The following TXN2 variants were observed in gnomAD, a reference collection of about 807,000 sequenced individuals.
TXN2 encodes the protein thioredoxin 2.
In TXN2, 12 loss-of-function variants were observed where a neutral mutation model predicts 14.6. The observed-to-expected ratio is 0.82, with a 90% CI of 0.53 to 1.33. TXN2 has a LOEUF of 1.33. Among genes scored for constraint, TXN2 ranks in the 40% most tolerant of loss-of-function variants. TXN2 has a pLI of 0.00. For synonymous variants in TXN2, 89 were observed against 81.0 expected (o/e 1.10, Z -0.53); for missense variants, 173 against 207.7 (o/e 0.83, Z 1.03).
At chr22:36,472,256 A>C (rs920381115) in intron 3 of TXN2, among the ~76,000 whole-genome samples, 1 of 152,198 alleles carries the variant, frequency 6.6e-6, no homozygotes, top group Non-Finnish European at 1.5e-5. Context: ...CAGTGAAAAG[A>C]TCAAGAGTCG....
chr22:36,476,516 C>T (rs1162391553), intron 3 of TXN2, among the ~76,000 whole-genome samples: 3 of 151,842 alleles, frequency 2.0e-5, no homozygotes, highest in Non-Finnish European at 2.9e-5. Flanking sequence ...CGCGTGAACC[C>T]GGGAGGCAGA....
chr22:36,476,951 T>C (rs1933399496), intron 2 of TXN2, 95 bp from the exon 3 acceptor site: 1 of 1,569,138 alleles, frequency 6.4e-7, no homozygotes, highest in South Asian at 1.2e-5. Context: ...AGGAATCTTT[T>C]GCCCTTATTA....
In TXN2 at chr22:36,470,576, T is replaced by A. The variant is rs960664111; in HGVS notation, c.388-2659A>T. Among the ~76,000 whole-genome samples, 3 of 152,234 alleles carry A rather than the reference T, an allele frequency of 2.0e-5. No individual in the cohort carries two copies. In the South Asian group the frequency reaches 6.2e-4, roughly 32 times the overall value. On this transcript the variant is annotated intron_variant, in intron 3 of 3. Coordinates refer to ENST00000216185, the MANE Select transcript of TXN2 (RefSeq NM_012473.4). ...GCCACTGTATAAGAAGTGGCCTAACTTTTTTCACGGCAAGACTCTAAGTTC... is the reference window on the plus strand; with the variant it reads ...GCCACTGTATAAGAAGTGGCCTAACATTTTTCACGGCAAGACTCTAAGTTC...
In TXN2 at chr22:36,467,439, GGC is replaced by G; in HGVS notation, c.*363_*364del. 9.4e-6 allele frequency: 2 copies of G among 212,632 alleles called. No homozygotes were observed. Among genetic ancestry groups the G allele is most frequent in the South Asian group, 1.1e-4 (1 of 9,272 alleles). The allele number at this position is 212,632 out of a possible 1,614,324, so 13.2% of individuals were successfully genotyped here. A position where few individuals can be genotyped will look rare whatever the true frequency, so the allele number is the denominator to read the frequency against. The stretch of plus-strand genomic sequence containing the variant: ...AGAAATGTAGGTGGCAGACGAGCCA[GGC>G]ACGAGGTTTCAGATTGGAAGGGACC... On this transcript the variant is annotated 3_prime_UTR_variant, in exon 4 of 4. Transcript: ENST00000216185.
intron 2 of TXN2, 29 bp downstream of exon 2, chr22:36,480,546 C>G: frequency 6.2e-7 from 1 of 1,604,326 alleles, no homozygotes; most frequent in Non-Finnish European, 8.5e-7. Context: ...AAGTAGGACC[C>G]TAGTCTTCTG....
intron 2 of TXN2, among the ~76,000 whole-genome samples, chr22:36,480,067 G>C (rs1437230353): frequency 1.3e-5 from 2 of 152,028 alleles, no homozygotes; most frequent in Non-Finnish European, 2.9e-5. Context: ...ATTTTTAATA[G>C]AGACAGGGTA....
chr22:36,467,866 T>A lies in TXN2; in HGVS notation c.439A>T (p.Lys147Ter). Residue 147 changes from lysine (K) to a stop codon, truncating the protein, a stop_gained, in exon 4 of 4, where the codon AAG becomes TAG. Coordinates refer to ENST00000216185, the MANE Select transcript of TXN2 (RefSeq NM_012473.4). LOFTEE classifies it high-confidence loss of function. ...LAMKNGDVVD[K>*]FVGIKDEDQL... Reference sequence around the variant, plus strand: ...TCCTCATCCTTGATGCCCACAAACTTGTCCACCACGTCCCCATTCTTCATG... The same window carrying A: ...TCCTCATCCTTGATGCCCACAAACTAGTCCACCACGTCCCCATTCTTCATG... 1 of 1,614,210 alleles carries A rather than the reference T, an allele frequency of 6.2e-7. No individual in the cohort carries two copies. The highest frequency in any genetic ancestry group is 8.5e-7 in the Non-Finnish European group (1 of 1,180,042).
At chr22:36,479,507 T>G (rs1933455437) in intron 2 of TXN2, among the ~76,000 whole-genome samples, 1 of 151,964 alleles carries the variant, frequency 6.6e-6, no homozygotes, top group African/African-American at 2.4e-5. Flanking sequence ...AATTTTTGTA[T>G]TTTTGGTAGA....
Position 36,471,968 on chromosome 22 carries a change from T to TAAAA in TXN2, c.388-4055_388-4052dup, listed in dbSNP as rs59924757. On this transcript the variant is annotated intron_variant, in intron 3 of 3. Transcript: ENST00000216185. ...TGGGTGAAAAGAGTGAGACCCCCTC[T>TAAAA]AAAAAAAAAAAAAAAAAAAAGCTGG... is the stretch of plus-strand genomic sequence containing the variant. 3.1e-4 allele frequency among the ~76,000 whole-genome samples: 31 copies of TAAAA among 100,224 alleles called. 1 individual carries two copies. The highest frequency in any genetic ancestry group is 1.0e-3 in the African/African-American group (29 of 28,354). The allele number at this position is 100,224 out of a possible 152,430, so 65.8% of individuals were successfully genotyped here.
rs1037060323 is a variant in TXN2 at position 36,467,701 on chromosome 22, C to G, written c.*103G>C. 2 of 1,029,446 alleles carry G rather than the reference C, an allele frequency of 1.9e-6. No homozygotes were observed. Among genetic ancestry groups the G allele is most frequent in the African/African-American group, 3.1e-5 (2 of 63,974 alleles). The allele number at this position is 1,029,446 out of a possible 1,614,324, so 63.8% of individuals were successfully genotyped here. ...GAGCCTGGGCTCTAAGCATGGGCCC[C>G]AGGAGCCAGACAGGAGGGAGGCAGC... On this transcript the variant is annotated 3_prime_UTR_variant, in exon 4 of 4. Transcript: ENST00000216185.
At position 36,467,550 on chromosome 22, in the gene TXN2, C is replaced by T; in HGVS notation, c.*254G>A. 8.5e-6 allele frequency: 4 copies of T among 469,162 alleles called. No homozygotes were observed. Among genetic ancestry groups the T allele is most frequent in the South Asian group, 2.2e-5 (1 of 46,478 alleles). 29.1% of individuals were successfully genotyped at this position (469,162 alleles called of 1,614,324 possible). ...TCGCCACACATCCTGGGAGAACTGCCATAGGCCCTAGAAGGAGGGATGAAA... is the reference window on the plus strand; with the variant it reads ...TCGCCACACATCCTGGGAGAACTGCTATAGGCCCTAGAAGGAGGGATGAAA... On this transcript the variant is annotated 3_prime_UTR_variant, in exon 4 of 4. Transcript: ENST00000216185.
chr22:36,469,103 G>C (rs1273769954), intron 3 of TXN2, among the ~76,000 whole-genome samples: 1 of 152,190 alleles, frequency 6.6e-6, no homozygotes, highest in Non-Finnish European at 1.5e-5. Context: ...GGTTCTGGCG[G>C]ACGCAATCCG....
intron 3 of TXN2, among the ~76,000 whole-genome samples, chr22:36,474,291 T>C (rs1346280315): frequency 1.3e-5 from 2 of 152,204 alleles, no homozygotes; most frequent in African/African-American, 2.4e-5. Flanking sequence ...CGTGTTTGTC[T>C]GCCTGGTCTC....
chr22:36,475,552 ATTTG>A (rs1397934551), intron 3 of TXN2, among the ~76,000 whole-genome samples: 2 of 152,130 alleles, frequency 1.3e-5, no homozygotes, highest in Non-Finnish European at 2.9e-5. Context: ...AGCCATGCCC[ATTTG>A]TTTGTATAGT....
intron 3 of TXN2, 111 bp from the exon 4 acceptor site, chr22:36,468,028 C>T (rs1331063596): frequency 1.1e-6 from 1 of 895,918 alleles, no homozygotes. Context: ...CACTGACTTC[C>T]CAAAGCCATG....
rs1027706085 is a variant in TXN2, at chr22:36,467,693, A to G, written c.*111T>C. On this transcript the variant is annotated 3_prime_UTR_variant, in exon 4 of 4. Coordinates refer to ENST00000216185, the MANE Select transcript of TXN2 (RefSeq NM_012473.4). ...CAGGGCTGGAGCCTGGGCTCTAAGCATGGGCCCCAGGAGCCAGACAGGAGG... is the reference window on the plus strand; with the variant it reads ...CAGGGCTGGAGCCTGGGCTCTAAGCGTGGGCCCCAGGAGCCAGACAGGAGG... 3.2e-6 allele frequency: 3 copies of G among 935,684 alleles called. No individual in the cohort carries two copies. The highest frequency in any genetic ancestry group is 3.8e-5 in the Admixed American group (2 of 52,342). The allele number at this position is 935,684 out of a possible 1,614,324, so 58.0% of individuals were successfully genotyped here. A position where few individuals can be genotyped will look rare whatever the true frequency, so the allele number is the denominator to read the frequency against.
chr22:36,474,535 C>T (rs5995292), intron 3 of TXN2, among the ~76,000 whole-genome samples: 18,406 of 152,070 alleles, frequency 0.12, 1,329 homozygotes, highest in African/African-American at 0.19. Flanking sequence ...TCACTTGTTA[C>T]CTGGAGGAGG....
intron 1 of TXN2, chr22:36,481,169 AGCAACTTCCAGGAAGTT>A (rs1333050904): frequency 5.2e-6 from 1 of 192,984 alleles, no homozygotes; most frequent in African/African-American, 2.3e-5. Flanking sequence ...GTCTTCCTAC[AGCAACTTCCAGGAAGTT>A]GCTATTGTAC....
rs1237134539 is a variant in TXN2 at position 36,467,746 on chromosome 22, G to A, written c.*58C>T. 1.1e-5 allele frequency: 16 copies of A among 1,434,134 alleles called. No individual in the cohort carries two copies. The highest frequency in any genetic ancestry group is 1.5e-5 in the Non-Finnish European group (15 of 1,018,706). The allele number at this position is 1,434,134 out of a possible 1,614,324, so 88.8% of individuals were successfully genotyped here. A position where few individuals can be genotyped will look rare whatever the true frequency, so the allele number is the denominator to read the frequency against. ...GGCAGCAGGAAGGGCTGGCATGGAA[G>A]GGCTGAGTTCTATTGGGGTCCCACG... On this transcript the variant is annotated 3_prime_UTR_variant, in exon 4 of 4. Transcript: ENST00000216185.
Sources: gnomAD v4.1 joint callset for allele counts (sites outside exome capture counted in the v4.1 genomes callset) on GRCh38, gnomAD v4.1.1 for gene constraint, MANE v1.5 for transcripts, NCBI Gene and HGNC (gene_info 2026-07-23, HGNC 2026-07-21) for gene names.